Variants in NAALADL2 observed in about 807,000 individuals in gnomAD.
NAALADL2 encodes inactive N-acetylated-alpha-linked acidic dipeptidase-like protein 2.
A neutral mutation model predicts 87.2 loss-of-function variants in NAALADL2; 76 were observed. That is an observed-to-expected ratio of 0.87 (90% CI 0.72 to 1.05). The LOEUF is 1.05. Among genes scored for constraint, NAALADL2 ranks in the 50% least tolerant of loss-of-function variants. The pLI is 0.00. For synonymous variants in NAALADL2, 354 were observed against 331.0 expected (o/e 1.07, Z -0.75); for missense variants, 1,089 against 945.8 (o/e 1.15, Z -1.99).
At chr3:175,740,525 C>T (rs1454963730) in intron 12 of NAALADL2, among the ~76,000 whole-genome samples, 2 of 152,258 alleles carry the variant, frequency 1.3e-5, no homozygotes, top group South Asian at 2.1e-4. Context: ...AGATTGATAA[C>T]GTTTACTCAA....
At chr3:174,614,390 C>G (rs1285748159) in intron 2 of NAALADL2, among the ~76,000 whole-genome samples, 1 of 152,162 alleles carries the variant, frequency 6.6e-6, no homozygotes, top group Non-Finnish European at 1.5e-5. Context: ...GGGTGATTCC[C>G]ACCTGGGTAG....
At chr3:175,589,305 A>T (rs1178051383) in intron 10 of NAALADL2, among the ~76,000 whole-genome samples, 2 of 14,514 alleles carry the variant, frequency 1.4e-4, no homozygotes. Context: ...AAACATTGGT[A>T]CTGGTAAATA....
intron 4 of NAALADL2, among the ~76,000 whole-genome samples, chr3:175,282,912 T>TTC (rs1240672812): frequency 8.2e-6 from 1 of 122,174 alleles, no homozygotes; most frequent in African/African-American, 4.9e-5. Context: ...TTCTGTCTTC[T>TTC]TTTTTTTTTT....
chr3:174,773,507 G>A (rs927536303), intron 3 of NAALADL2, among the ~76,000 whole-genome samples: 21 of 152,168 alleles, frequency 1.4e-4, no homozygotes, highest in Admixed American at 1.1e-3. Context: ...TGCTAGTGAT[G>A]AGACTTTCAT....
Position 174,679,503 on chromosome 3 carries a change from G to C in NAALADL2, c.-114-58138G>C, listed in dbSNP as rs75979202. ...ACTCCAACATTAAATTATGTATGTGGGTTACATCTGTGGCTCACATTGTAT... is the reference window on the plus strand; with the variant it reads ...ACTCCAACATTAAATTATGTATGTGCGTTACATCTGTGGCTCACATTGTAT... On this transcript the variant is annotated intron_variant, in intron 2 of 3. Coordinates refer to the NAALADL2 transcript ENST00000434257. Among the ~76,000 whole-genome samples, 1,039 of 152,060 alleles carry C rather than the reference G, an allele frequency of 6.8e-3. 12 individuals are homozygous for C. The highest frequency in any genetic ancestry group is 0.057 in the East Asian group (296 of 5,168).
chr3:174,460,662 C>T (rs976688395), intron 1 of NAALADL2, among the ~76,000 whole-genome samples: 1 of 151,348 alleles, frequency 6.6e-6, no homozygotes, highest in African/African-American at 2.4e-5. Context: ...ATATAGAGAA[C>T]AGCTTAAGTA....
At chr3:174,983,600 G>A (rs1372969331) in intron 1 of NAALADL2, among the ~76,000 whole-genome samples, 1 of 152,102 alleles carries the variant, frequency 6.6e-6, no homozygotes, top group Non-Finnish European at 1.5e-5. Context: ...CCCTCTGGCT[G>A]TGTCCTCACA....
chr3:175,340,476 G>A (rs1762457613), intron 5 of NAALADL2, among the ~76,000 whole-genome samples: 1 of 152,062 alleles, frequency 6.6e-6, no homozygotes, highest in Admixed American at 6.6e-5. Flanking sequence ...AATGCCCACT[G>A]GTACCTCCTG....
At chr3:175,449,626 C>T (rs1374144007) in intron 6 of NAALADL2, among the ~76,000 whole-genome samples, 1 of 151,962 alleles carries the variant, frequency 6.6e-6, no homozygotes, top group African/African-American at 2.4e-5. Flanking sequence ...ATTTCCTGAC[C>T]TCGTGATCCG....
At chr3:175,381,433 G>A (rs747015122) in intron 5 of NAALADL2, among the ~76,000 whole-genome samples, 1 of 151,716 alleles carries the variant, frequency 6.6e-6, no homozygotes, top group Admixed American at 6.6e-5. Context: ...CCTGAAGTAT[G>A]TGTATTTTAA....
At chr3:174,602,456 G>C (rs1718545778) in intron 2 of NAALADL2, among the ~76,000 whole-genome samples, 1 of 151,906 alleles carries the variant, frequency 6.6e-6, no homozygotes, top group African/African-American at 2.4e-5. Context: ...TTTGTATGTT[G>C]ATTTTATATT....
At chr3:174,521,838 T>A (rs935665256) in intron 1 of NAALADL2, among the ~76,000 whole-genome samples, 34 of 152,170 alleles carry the variant, frequency 2.2e-4, no homozygotes, top group Admixed American at 3.9e-4. Context: ...GGATACATTG[T>A]TTATTATTTG....
intron 11 of NAALADL2, among the ~76,000 whole-genome samples, chr3:175,643,993 A>G (rs755567473): frequency 6.6e-6 from 1 of 152,010 alleles, no homozygotes; most frequent in African/African-American, 2.4e-5. Flanking sequence ...TTCCAGTCTG[A>G]TATGTGTAAG....
chr3:174,618,586 A>AG (rs1720705569), intron 2 of NAALADL2, among the ~76,000 whole-genome samples: 1 of 151,826 alleles, frequency 6.6e-6, no homozygotes, highest in African/African-American at 2.4e-5. Context: ...AAAGTTACTA[A>AG]GAATCATGTG....
At chr3:174,767,968 C>G (rs1045519766) in intron 3 of NAALADL2, among the ~76,000 whole-genome samples, 1 of 152,100 alleles carries the variant, frequency 6.6e-6, no homozygotes, top group Non-Finnish European at 1.5e-5. Flanking sequence ...GAAAATTTAA[C>G]AGAAATACGT....
At chr3:175,571,163 A>T (rs1718026234) in intron 9 of NAALADL2, among the ~76,000 whole-genome samples, 1 of 152,106 alleles carries the variant, frequency 6.6e-6, no homozygotes. Flanking sequence ...ATCTTACATG[A>T]TCATTTACTA....
At chr3:175,500,108 G>A (rs1729340129) in intron 9 of NAALADL2, among the ~76,000 whole-genome samples, 1 of 151,922 alleles carries the variant, frequency 6.6e-6, no homozygotes, top group Non-Finnish European at 1.5e-5. Context: ...CCTCTGCTAG[G>A]AGCTATGGGA....
intron 5 of NAALADL2, among the ~76,000 whole-genome samples, chr3:175,432,718 G>A (rs966940417): frequency 4.6e-5 from 7 of 152,012 alleles, no homozygotes; most frequent in Admixed American, 3.9e-4. Flanking sequence ...TAGCTAATGA[G>A]AAGAGTTCTA....
At chr3:175,019,871 G>A (rs1394263969) in intron 1 of NAALADL2, among the ~76,000 whole-genome samples, 1 of 152,032 alleles carries the variant, frequency 6.6e-6, no homozygotes, top group Non-Finnish European at 1.5e-5. Context: ...AAATTCTTCA[G>A]TGTCAGCCTG....
Sources: gnomAD v4.1 joint callset for allele counts (sites outside exome capture counted in the v4.1 genomes callset) on GRCh38, gnomAD v4.1.1 for gene constraint, MANE v1.5 for transcripts, NCBI Gene and HGNC (gene_info 2026-07-23, HGNC 2026-07-21) for gene names.